The following DPYSL5 variants were observed in gnomAD, a reference collection of about 807,000 sequenced individuals.
DPYSL5 encodes the protein dihydropyrimidinase like 5.
DPYSL5 carries 9 observed loss-of-function variants against 58.4 expected under a neutral mutation model. The observed-to-expected ratio is 0.15, with a 90% CI of 0.09 to 0.27. DPYSL5 has a LOEUF of 0.27. Ranked by LOEUF, DPYSL5 falls within the 10% of genes least tolerant of loss-of-function variation. The probability of loss-of-function intolerance (pLI) is 1.00; values close to 1 mark genes in which losing one functional copy is unlikely to be tolerated. For missense variants in DPYSL5, 499 were observed against 770.6 expected (o/e 0.65, Z 4.17); for synonymous variants, 293 against 301.9 (o/e 0.97, Z 0.31).
chr2:26,866,460 C>T (rs540662189), intron 1 of DPYSL5, among the ~76,000 whole-genome samples: 90 of 148,238 alleles, frequency 6.1e-4, no homozygotes, highest in Non-Finnish European at 1.2e-3. Context: ...TCATGCATCT[C>T]ATTATGCAAA....
intron 1 of DPYSL5, among the ~76,000 whole-genome samples, chr2:26,880,933 G>A (rs1386222302): frequency 1.3e-5 from 2 of 152,242 alleles, no homozygotes; most frequent in Non-Finnish European, 2.9e-5. Context: ...GCTTCAGTCT[G>A]TTGGGCATGA....
At chr2:26,899,879 G>T (rs1192141817) in intron 2 of DPYSL5, among the ~76,000 whole-genome samples, 2 of 152,180 alleles carry the variant, frequency 1.3e-5, no homozygotes, top group Non-Finnish European at 2.9e-5. Context: ...TCTCCTCTGA[G>T]AATTCTCCCG....
chr2:26,918,664 C>T (rs560387952), intron 2 of DPYSL5, among the ~76,000 whole-genome samples: 1 of 152,300 alleles, frequency 6.6e-6, no homozygotes, highest in East Asian at 1.9e-4. Context: ...AGAGCACATC[C>T]ACTCGTCATT....
intron 1 of DPYSL5, among the ~76,000 whole-genome samples, chr2:26,889,155 C>A (rs999176061): frequency 6.6e-6 from 1 of 152,132 alleles, no homozygotes; most frequent in Non-Finnish European, 1.5e-5. Flanking sequence ...ATGTAGTGAG[C>A]CAGAGGGCCA....
chr2:26,946,337 A>G (rs1331549157), intron 12 of DPYSL5, among the ~76,000 whole-genome samples: 2 of 151,968 alleles, frequency 1.3e-5, no homozygotes, highest in Non-Finnish European at 2.9e-5. Context: ...TAAGCAGGCC[A>G]GGCTGAAGAA....
At chr2:26,887,442 C>G (rs995066986) in intron 1 of DPYSL5, among the ~76,000 whole-genome samples, 2 of 152,186 alleles carry the variant, frequency 1.3e-5, no homozygotes, top group African/African-American at 4.8e-5. Flanking sequence ...CCCCGCAGGC[C>G]CAGGGGAGCT....
chr2:26,886,115 T>C (rs889747733), intron 1 of DPYSL5, among the ~76,000 whole-genome samples: 2 of 152,232 alleles, frequency 1.3e-5, no homozygotes, highest in Non-Finnish European at 2.9e-5. Flanking sequence ...TTCAGTTTCC[T>C]GTTTGCTTCA....
rs115665786 is a variant in DPYSL5 at position 26,949,166 on chromosome 2, C to G, written c.*2171C>G. On this transcript the variant is annotated 3_prime_UTR_variant, in exon 13 of 13. Transcript: ENST00000288699. Reference sequence around the variant, plus strand: ...GAAGACTTACTTTCCTGGTAGGCAGCCTGCTTTGTTTTGCACAGGAAGATA... The same window carrying G: ...GAAGACTTACTTTCCTGGTAGGCAGGCTGCTTTGTTTTGCACAGGAAGATA... 6.6e-6 allele frequency: 1 copy of G among 152,204 alleles called. No individual in the cohort carries two copies. The highest frequency in any genetic ancestry group is 6.5e-5 in the Admixed American group (1 of 15,274). The allele number at this position is 152,204 out of a possible 1,614,324, so 9.4% of individuals were successfully genotyped here.
rs2148157353 is a variant in DPYSL5, at chr2:26,924,008, G to A, written c.262-879G>A. Among the ~76,000 whole-genome samples the A allele has an allele frequency of 6.6e-6, 1 of 152,246 alleles. No individual in the cohort carries two copies. The highest frequency in any genetic ancestry group is 1.9e-4 in the East Asian group (1 of 5,190). On this transcript the variant is annotated intron_variant, in intron 2 of 12. Transcript: ENST00000288699. The surrounding 1 kb of genome is among the most constrained non-coding windows in gnomAD (Gnocchi z 4.7). ...AGTTTTGTTTGGGAACAACACATTA[G>A]CCTGAAATAGCCTTTGATCGATGCT...
intron 9 of DPYSL5, among the ~76,000 whole-genome samples, chr2:26,941,029 C>G (rs1313408220): frequency 6.6e-6 from 1 of 151,734 alleles, no homozygotes; most frequent in African/African-American, 2.4e-5. Context: ...CTCCGCCTCC[C>G]GGGTTCAAGC....
At chr2:26,935,312 G>A (rs975348699) in intron 8 of DPYSL5, among the ~76,000 whole-genome samples, 1 of 152,080 alleles carries the variant, frequency 6.6e-6, no homozygotes, top group African/African-American at 2.4e-5. Flanking sequence ...TTTGATGAAC[G>A]GTCTGAATTC....
chr2:26,930,830 C>T (rs914247897), intron 5 of DPYSL5, among the ~76,000 whole-genome samples: 2 of 151,768 alleles, frequency 1.3e-5, no homozygotes, highest in Non-Finnish European at 2.9e-5. Context: ...AAAAATTAGT[C>T]GGGCATGGTG....
At chr2:26,945,748 G>A (rs1312587891) in intron 12 of DPYSL5, among the ~76,000 whole-genome samples, 3 of 152,222 alleles carry the variant, frequency 2.0e-5, no homozygotes, top group East Asian at 1.9e-4. Context: ...GGATGGGTAC[G>A]GCGAGAGGCG....
chr2:26,930,326 C>T (rs1214159973), intron 5 of DPYSL5, among the ~76,000 whole-genome samples: 4 of 152,076 alleles, frequency 2.6e-5, no homozygotes, highest in South Asian at 2.1e-4. Flanking sequence ...TAATTATCAC[C>T]GCCATTATCT....
At chr2:26,871,230 G>A (rs1663255625) in intron 1 of DPYSL5, among the ~76,000 whole-genome samples, 1 of 152,054 alleles carries the variant, frequency 6.6e-6, no homozygotes, top group Admixed American at 6.5e-5. Flanking sequence ...AAATCTGGTG[G>A]TCCCTGATTG....
At chr2:26,903,451 G>A (rs555854538) in intron 2 of DPYSL5, among the ~76,000 whole-genome samples, 1 of 152,274 alleles carries the variant, frequency 6.6e-6, no homozygotes, top group South Asian at 2.1e-4. Context: ...CCCTTTCCTG[G>A]AACAAAACCA....
In DPYSL5 at chr2:26,880,835, A is replaced by G. The variant is rs555875579; in HGVS notation, c.-4-17661A>G. Among the ~76,000 whole-genome samples, 11 of 152,294 alleles carry G rather than the reference A, an allele frequency of 7.2e-5. No homozygotes were observed. In the East Asian group the frequency reaches 2.1e-3, roughly 29 times the overall value. On this transcript the variant is annotated intron_variant, in intron 1 of 12. Coordinates refer to ENST00000288699, the MANE Select transcript of DPYSL5 (RefSeq NM_020134.4). The stretch of plus-strand genomic sequence containing the variant: ...TGGTTCTTACAACTTCCCCAACCCA[A>G]GCCTTCTTTCAGCCAACATTGAATG...
intron 1 of DPYSL5, among the ~76,000 whole-genome samples, chr2:26,875,481 G>A (rs930186447): frequency 6.6e-6 from 1 of 152,268 alleles, no homozygotes; most frequent in African/African-American, 2.4e-5. Context: ...AAAGAAGGGT[G>A]TGTCAGCCTA....
chr2:26,896,659 A>C (rs1444566048), intron 1 of DPYSL5, among the ~76,000 whole-genome samples: 1 of 152,168 alleles, frequency 6.6e-6, no homozygotes. Flanking sequence ...TTTTTGATAA[A>C]TCTATTGGCC....
Sources: gnomAD v4.1 joint callset for allele counts (sites outside exome capture counted in the v4.1 genomes callset) on GRCh38, gnomAD v4.1.1 for gene constraint, Gnocchi (gnomAD v3.1) non-coding constraint, MANE v1.5 for transcripts, NCBI Gene and HGNC (gene_info 2026-07-23, HGNC 2026-07-21) for gene names.